LRRC20: variants seen among roughly 807,000 people sequenced by gnomAD.
LRRC20 encodes leucine-rich repeat-containing protein 20.
A neutral mutation model predicts 14.4 loss-of-function variants in LRRC20; 11 were observed. That is an observed-to-expected ratio of 0.77 (90% CI 0.48 to 1.27). LRRC20 has a LOEUF of 1.27. Ranked by LOEUF, LRRC20 falls within the 50% of genes most tolerant of loss-of-function variation. The pLI is 0.00. For synonymous variants in LRRC20, 121 were observed against 107.3 expected (o/e 1.13, Z -0.79); for missense variants, 219 against 251.2 (o/e 0.87, Z 0.87).
intron 2 of LRRC20, among the ~76,000 whole-genome samples, chr10:70,375,527 A>G (rs112531046): frequency 0.02 from 3,091 of 152,244 alleles, 106 homozygotes; most frequent in African/African-American, 0.07. Context: ...TTGCTAAGGC[A>G]GTAACTACCA....
chr10:70,302,721 T>C (rs938776835), intron 4 of LRRC20, among the ~76,000 whole-genome samples: 2 of 151,688 alleles, frequency 1.3e-5, no homozygotes, highest in African/African-American at 4.8e-5. Context: ...TTCTTTTTTT[T>C]TTTTTTTGAG....
At chr10:70,361,068 A>G in intron 2 of LRRC20, among the ~76,000 whole-genome samples, 1 of 150,170 alleles carries the variant, frequency 6.7e-6, no homozygotes, top group South Asian at 2.1e-4. Context: ...AAAAAAAGAG[A>G]GAGAGAGAGA....
At chr10:70,316,888 G>A (rs1362476688) in intron 4 of LRRC20, among the ~76,000 whole-genome samples, 2 of 152,248 alleles carry the variant, frequency 1.3e-5, no homozygotes, top group Non-Finnish European at 2.9e-5. Flanking sequence ...GCAAGGGCAT[G>A]CGGGGCAGAA....
intron 4 of LRRC20, among the ~76,000 whole-genome samples, chr10:70,320,105 G>C (rs534112093): frequency 1.7e-4 from 26 of 152,350 alleles, no homozygotes; most frequent in Admixed American, 1.0e-3. Flanking sequence ...GGGCCATGCG[G>C]GGCAGGTGAA....
intron 3 of LRRC20, among the ~76,000 whole-genome samples, chr10:70,339,567 A>C (rs1842835695): frequency 1.3e-5 from 2 of 151,882 alleles, no homozygotes; most frequent in African/African-American, 4.8e-5. Context: ...CAATTCTCCC[A>C]CTCCACTCGT....
rs1416912525 is a variant in LRRC20, at chr10:70,340,173, G to A, written c.232+380C>T. 2.0e-5 allele frequency among the ~76,000 whole-genome samples: 3 copies of A among 151,798 alleles called. No homozygotes were observed. In the East Asian group the frequency reaches 5.8e-4, roughly 29 times the overall value. ...AACATCCCTGGCATCTGTCACTCCT[G>A]AACTGAGAGAGCAACACAGGAGAAC... On this transcript the variant is annotated intron_variant, in intron 3 of 4. Transcript: ENST00000446961.
intron 2 of LRRC20, among the ~76,000 whole-genome samples, chr10:70,354,216 A>C (rs948215350): frequency 9.9e-5 from 15 of 152,054 alleles, no homozygotes; most frequent in Non-Finnish European, 1.8e-4. Context: ...GGGCTTGGGA[A>C]TGGAAGGGAG....
At chr10:70,357,570 G>C (rs1000422598) in intron 2 of LRRC20, among the ~76,000 whole-genome samples, 1 of 152,166 alleles carries the variant, frequency 6.6e-6, no homozygotes, top group Non-Finnish European at 1.5e-5. Context: ...CTGGAGGAGA[G>C]AAATGACCTC....
At position 70,352,980 on chromosome 10, in the gene LRRC20, C is replaced by G. The variant is rs570340882; in HGVS notation, c.83-12278G>C. 6.6e-5 allele frequency among the ~76,000 whole-genome samples: 10 copies of G among 152,240 alleles called. No homozygotes were observed. The South Asian group carries it at 1.2e-3, about 19-fold the overall frequency. ...TTCCAGGCAAAAACATCCCCAGAAA[C>G]TTCAATCCTCATGGTTCTGGCTGCT... On this transcript the variant is annotated intron_variant, in intron 2 of 4. Coordinates refer to ENST00000446961, the MANE Select transcript of LRRC20 (RefSeq NM_001278212.2).
chr10:70,320,485 A>G (rs1319042236), intron 4 of LRRC20, among the ~76,000 whole-genome samples: 1 of 152,232 alleles, frequency 6.6e-6, no homozygotes, highest in Non-Finnish European at 1.5e-5. Context: ...ACTTGACTTA[A>G]CAATTCACTA....
intron 3 of LRRC20, among the ~76,000 whole-genome samples, chr10:70,339,973 G>T (rs1409605260): frequency 6.6e-6 from 1 of 151,810 alleles, no homozygotes; most frequent in East Asian, 1.9e-4. Flanking sequence ...ATATTAAAAT[G>T]ACCCAGGTGT....
intron 2 of LRRC20, among the ~76,000 whole-genome samples, chr10:70,369,771 G>T (rs184816209): frequency 1.3e-5 from 2 of 152,014 alleles, no homozygotes; most frequent in Non-Finnish European, 2.9e-5. Flanking sequence ...TGTTTACCAC[G>T]ATGCCTGGCA....
At chr10:70,326,006 CCTTA>C (rs1473594281) in intron 3 of LRRC20, among the ~76,000 whole-genome samples, 2 of 152,124 alleles carry the variant, frequency 1.3e-5, no homozygotes. Context: ...TTTGATCTTT[CCTTA>C]CTTAGAACAA....
intron 1 of LRRC20, among the ~76,000 whole-genome samples, chr10:70,378,247 G>A (rs1044830625): frequency 6.6e-6 from 1 of 152,140 alleles, no homozygotes; most frequent in African/African-American, 2.4e-5. Flanking sequence ...TCCACCTCCA[G>A]GAAATCTCCT....
chr10:70,301,132 C>T lies in LRRC20; in HGVS notation c.*222G>A, dbSNP rs568371449. On this transcript the variant is annotated 3_prime_UTR_variant, in exon 5 of 5. Transcript: ENST00000446961. The stretch of plus-strand genomic sequence containing the variant: ...GAGTTTGCACAGCAGCTGTGAGTGC[C>T]GAGTCCAGGCTGCAGGCCCCACCTT... 4.8e-4 allele frequency: 652 copies of T among 1,353,796 alleles called. 6 individuals are homozygous for T. The South Asian group carries it at 8.7e-3, about 18-fold the overall frequency. 83.9% of individuals were successfully genotyped at this position (1,353,796 alleles called of 1,614,324 possible).
At chr10:70,313,122 T>G (rs1398266626) in intron 4 of LRRC20, among the ~76,000 whole-genome samples, 2 of 152,172 alleles carry the variant, frequency 1.3e-5, no homozygotes, top group Non-Finnish European at 2.9e-5. Context: ...TTTGCAAAAA[T>G]GACTCAGTCT....
chr10:70,364,755 G>A (rs1261466379), intron 2 of LRRC20, among the ~76,000 whole-genome samples: 1 of 152,174 alleles, frequency 6.6e-6, no homozygotes, highest in East Asian at 1.9e-4. Context: ...GGGACGAAAG[G>A]TGGACACACC....
intron 1 of LRRC20, among the ~76,000 whole-genome samples, chr10:70,378,706 A>G (rs1221673313): frequency 6.8e-6 from 1 of 147,022 alleles, no homozygotes; most frequent in Admixed American, 7.1e-5. Context: ...CAGGAGGCAG[A>G]GGTTGCAGTG....
intron 3 of LRRC20, among the ~76,000 whole-genome samples, chr10:70,324,399 C>A (rs1249801298): frequency 6.6e-6 from 1 of 152,206 alleles, no homozygotes; most frequent in Non-Finnish European, 1.5e-5. Context: ...GGCGGCCTCT[C>A]CCCCTCGGGG....
Sources: allele counts gnomAD v4.1 joint callset (sites outside exome capture counted in the v4.1 genomes callset), GRCh38; gene constraint gnomAD v4.1.1; transcripts MANE v1.5; gene names NCBI Gene and HGNC (gene_info 2026-07-23, HGNC 2026-07-21).